The following TBC1D30 variants were observed in gnomAD, a reference collection of about 807,000 sequenced individuals.
TBC1D30 encodes the protein TBC1 domain family, member 30.
In TBC1D30, 31 loss-of-function variants were observed where a neutral mutation model predicts 63.2. That is an observed-to-expected ratio of 0.49 (90% confidence interval 0.37 to 0.66). The LOEUF (loss-of-function observed/expected upper bound fraction) is 0.66, where lower values mean the gene tolerates loss of function less well. Among genes scored for constraint, TBC1D30 ranks in the 30% least tolerant of loss-of-function variants. The pLI is 0.00. For synonymous variants in TBC1D30, 307 were observed against 361.5 expected (o/e 0.85, Z 1.71); for missense variants, 810 against 953.6 (o/e 0.85, Z 1.98).
Position 64,878,141 on chromosome 12 carries a change from A to T in TBC1D30, c.*2353A>T, listed in dbSNP as rs2136499627. 4.4e-6 allele frequency: 1 copy of T among 225,626 alleles called. No homozygotes were observed. Among genetic ancestry groups the T allele is most frequent in the African/African-American group, 2.2e-5 (1 of 44,776 alleles). The allele number at this position is 225,626 out of a possible 1,614,324, so 14.0% of individuals were successfully genotyped here. A position where few individuals can be genotyped will look rare whatever the true frequency, so the allele number is the denominator to read the frequency against. The stretch of plus-strand genomic sequence containing the variant: ...AAAGGATAATAGTCCTCTGAGGTAA[A>T]AATGGCCTTGTCAGAATTTTGAAAA... On this transcript the variant is annotated 3_prime_UTR_variant, in exon 12 of 12. Transcript: ENST00000539867.
chr12:64,847,137 T>G (rs1876457680), intron 8 of TBC1D30, among the ~76,000 whole-genome samples: 1 of 149,986 alleles, frequency 6.7e-6, no homozygotes, highest in Admixed American at 6.6e-5. Context: ...GTCTAGGAAT[T>G]TATCCATTTT....
chr12:64,766,506 T>A (rs1487717418), intron 1 of TBC1D30, among the ~76,000 whole-genome samples: 1 of 152,052 alleles, frequency 6.6e-6, no homozygotes, highest in Non-Finnish European at 1.5e-5. Flanking sequence ...GATATAACAA[T>A]TATAAATATA....
chr12:64,875,251 G>A lies in TBC1D30; in HGVS notation c.1749G>A (p.Pro583=), dbSNP rs542456661. The part of the protein sequence containing the change: ...KKNMPRTKSH[P]GCGDTVGLID... ...ACATGCCAAGGACCAAGAGTCATCC[G>A]GGCTGTGGGGACACCGTAGGGCTGA... Residue 583 remains proline, a synonymous_variant, in exon 12 of 12, where the codon CCG becomes CCA. Transcript: ENST00000539867. The A allele has an allele frequency of 7.2e-6, 11 of 1,536,268 alleles. No homozygotes were observed. Among genetic ancestry groups the A allele is most frequent in the East Asian group, 2.4e-5 (1 of 40,906 alleles).
At chr12:64,774,571 C>T (rs1871010341) in intron 1 of TBC1D30, among the ~76,000 whole-genome samples, 1 of 152,036 alleles carries the variant, frequency 6.6e-6, no homozygotes, top group Non-Finnish European at 1.5e-5. Flanking sequence ...AAAGGGAAGC[C>T]CAGCAGACTA....
intron 1 of TBC1D30, 110 bp from the exon 2 acceptor site, chr12:64,827,725 A>G: frequency 1.3e-6 from 1 of 794,126 alleles, no homozygotes; most frequent in Non-Finnish European, 1.9e-6. Flanking sequence ...AAAGATACAT[A>G]CTTTAAAAAA....
chr12:64,832,305 G>A lies in TBC1D30; in HGVS notation c.594+1G>A. 6.5e-7 allele frequency: 1 copy of A among 1,535,258 alleles called. No homozygotes were observed. Among genetic ancestry groups the A allele is most frequent in the Non-Finnish European group, 8.7e-7 (1 of 1,146,218 alleles). On this transcript the variant is annotated splice_donor_variant, in intron 5 of 11. Transcript: ENST00000539867. LOFTEE classifies it high-confidence loss of function. ...AGGCAATGAAGGGGATGCCCTGAAA[G>A]TGAGTAGCAGGCTCTGACAAAGGCC...
intron 1 of TBC1D30, among the ~76,000 whole-genome samples, chr12:64,782,882 C>G (rs1238034719): frequency 6.6e-6 from 1 of 152,182 alleles, no homozygotes; most frequent in Non-Finnish European, 1.5e-5. Flanking sequence ...GTCCTATACA[C>G]ACATATGCGT....
chr12:64,769,599 GCT>G (rs61218736), intron 1 of TBC1D30, among the ~76,000 whole-genome samples: 3,631 of 150,856 alleles, frequency 0.024, 132 homozygotes, highest in African/African-American at 0.085. Context: ...TCTTGGACAG[GCT>G]GGTCTTGAAT....
chr12:64,775,112 T>G (rs556358291), intron 1 of TBC1D30, among the ~76,000 whole-genome samples: 310 of 149,778 alleles, frequency 2.1e-3, no homozygotes, highest in African/African-American at 6.0e-3. Flanking sequence ...AAAATATATA[T>G]ATATAGATAT....
At chr12:64,859,236 G>A (rs564109575) in intron 8 of TBC1D30, among the ~76,000 whole-genome samples, 4 of 152,264 alleles carry the variant, frequency 2.6e-5, no homozygotes, top group African/African-American at 9.6e-5. Flanking sequence ...GCATAAGTGT[G>A]AGGGGGACTG....
chr12:64,772,622 G>T (rs1343889792), intron 1 of TBC1D30, among the ~76,000 whole-genome samples: 3 of 152,120 alleles, frequency 2.0e-5, no homozygotes, highest in South Asian at 2.1e-4. Flanking sequence ...TAGAGATGGG[G>T]TTTCACCATG....
At chr12:64,833,421 G>A (rs937155489) in intron 5 of TBC1D30, among the ~76,000 whole-genome samples, 1 of 152,214 alleles carries the variant, frequency 6.6e-6, no homozygotes, top group Non-Finnish European at 1.5e-5. Flanking sequence ...TTTGCTTAAG[G>A]CAATGTGGGA....
intron 4 of TBC1D30, among the ~76,000 whole-genome samples, chr12:64,830,780 A>C (rs1343187617): frequency 6.6e-6 from 1 of 152,256 alleles, no homozygotes; most frequent in Non-Finnish European, 1.5e-5. Context: ...ACGCTTTGTC[A>C]TGGGTCAATG....
At chr12:64,825,990 C>T (rs909624634) in intron 1 of TBC1D30, among the ~76,000 whole-genome samples, 1 of 152,138 alleles carries the variant, frequency 6.6e-6, no homozygotes, top group African/African-American at 2.4e-5. Context: ...TTCCCAACCT[C>T]GTGGTTTCTT....
intron 2 of TBC1D30, among the ~76,000 whole-genome samples, chr12:64,790,189 T>C (rs1289346831): frequency 6.6e-6 from 1 of 152,156 alleles, no homozygotes; most frequent in East Asian, 1.9e-4. Context: ...GAGTTTCTGG[T>C]TTATTAGAAC....
intron 2 of TBC1D30, among the ~76,000 whole-genome samples, chr12:64,797,684 C>T (rs1457054294): frequency 6.6e-6 from 1 of 152,178 alleles, no homozygotes; most frequent in East Asian, 1.9e-4. Flanking sequence ...TCTCCCCTCG[C>T]TCTCAGCTGG....
upstream of TBC1D30, chr12:64,779,354 T>A (rs1366618305): frequency 6.6e-6 from 1 of 152,208 alleles, no homozygotes; most frequent in Non-Finnish European, 1.5e-5. Context: ...AATTCTACTC[T>A]CATTTCATAC....
intron 1 of TBC1D30, among the ~76,000 whole-genome samples, chr12:64,827,593 T>G (rs1441169055): frequency 6.6e-6 from 1 of 152,214 alleles, no homozygotes; most frequent in Non-Finnish European, 1.5e-5. Flanking sequence ...GCTTTTGTGG[T>G]ACTCCAGGCA....
chr12:64,825,965 G>C (rs969898689), intron 1 of TBC1D30, among the ~76,000 whole-genome samples: 3 of 152,234 alleles, frequency 2.0e-5, no homozygotes, highest in Non-Finnish European at 4.4e-5. Flanking sequence ...CAAAGGGTGG[G>C]ATGCGGCACT....
Sources: allele counts gnomAD v4.1 joint callset (sites outside exome capture counted in the v4.1 genomes callset), GRCh38; gene constraint gnomAD v4.1.1; transcripts MANE v1.5; gene names NCBI Gene and HGNC (gene_info 2026-07-23, HGNC 2026-07-21).